ANO4: variants seen among roughly 807,000 people sequenced by gnomAD.
ANO4 encodes the protein anoctamin 4.
A neutral mutation model predicts 141.9 loss-of-function variants in ANO4; 69 were observed. The observed-to-expected ratio is 0.49, with a 90% confidence interval of 0.40 to 0.59. ANO4 has a LOEUF of 0.59. ANO4 is among the 20% of genes least tolerant of loss of function. ANO4 has a pLI of 0.00. For synonymous variants in ANO4, 350 were observed against 394.3 expected (o/e 0.89, Z 1.33); for missense variants, 894 against 1,162.2 (o/e 0.77, Z 3.36).
At chr12:101,006,185 T>C (rs1367119537) in intron 8 of ANO4, among the ~76,000 whole-genome samples, 3 of 152,194 alleles carry the variant, frequency 2.0e-5, no homozygotes, top group Non-Finnish European at 4.4e-5. Context: ...TGCAACATGC[T>C]CCCTCATGTT....
chr12:101,053,663 G>T (rs755537647), intron 14 of ANO4, among the ~76,000 whole-genome samples: 2 of 152,180 alleles, frequency 1.3e-5, no homozygotes, highest in Non-Finnish European at 2.9e-5. Flanking sequence ...CAAGACGGTG[G>T]TCATATTGGA....
intron 1 of ANO4, among the ~76,000 whole-genome samples, chr12:100,818,717 A>G (rs1314547139): frequency 2.0e-5 from 3 of 151,902 alleles, no homozygotes; most frequent in Non-Finnish European, 4.4e-5. Flanking sequence ...TTCCAAATCT[A>G]CAGGCTGGTA....
At position 101,005,062 on chromosome 12, in the gene ANO4, C is replaced by T. The variant is rs75044630; in HGVS notation, c.735-14972C>T. On this transcript the variant is annotated intron_variant, in intron 8 of 27. Coordinates refer to ENST00000392977, the MANE Select transcript of ANO4 (RefSeq NM_001286615.2). The stretch of plus-strand genomic sequence containing the variant: ...GGTCAACATTCAGAACAACTCAGCT[C>T]ATATAAAAATGAGACCCATGACTAA... Among the ~76,000 whole-genome samples the T allele has an allele frequency of 4.2e-3, 642 of 152,194 alleles. 7 individuals are homozygous for T. Among genetic ancestry groups the T allele is most frequent in the African/African-American group, 0.015 (623 of 41,530 alleles).
chr12:101,048,282 T>A (rs2047712284), intron 13 of ANO4, 59 bp from the exon 14 acceptor site: 6 of 1,559,386 alleles, frequency 3.8e-6, no homozygotes, highest in South Asian at 1.1e-5. Flanking sequence ...CTTGAAAAAA[T>A]TTGAATTGGA....
intron 3 of ANO4, among the ~76,000 whole-genome samples, chr12:100,785,946 G>C (rs1044273949): frequency 3.3e-5 from 5 of 152,198 alleles, no homozygotes; most frequent in Non-Finnish European, 5.9e-5. Context: ...AGAATGTTCA[G>C]TGGATGGCCT....
At chr12:100,720,297 G>C (rs1430489100) in intron 1 of ANO4, among the ~76,000 whole-genome samples, 2 of 152,074 alleles carry the variant, frequency 1.3e-5, no homozygotes, top group Non-Finnish European at 2.9e-5. Context: ...CACAGTGATG[G>C]CTGTTTCATA....
chr12:100,955,785 A>G (rs866287421), intron 5 of ANO4, among the ~76,000 whole-genome samples: 2 of 152,188 alleles, frequency 1.3e-5, no homozygotes, highest in African/African-American at 2.4e-5. Context: ...GTGACCTGGG[A>G]CTTAAAGGAT....
chr12:100,871,545 G>C (rs1240078613), intron 1 of ANO4, among the ~76,000 whole-genome samples: 2 of 152,158 alleles, frequency 1.3e-5, no homozygotes, highest in African/African-American at 4.8e-5. Flanking sequence ...TTTTCCTTCT[G>C]TAGACTGAAT....
intron 1 of ANO4, among the ~76,000 whole-genome samples, chr12:100,892,139 C>CT (rs1408206286): frequency 6.6e-6 from 1 of 152,190 alleles, no homozygotes; most frequent in African/African-American, 2.4e-5. Context: ...CACATTTTCT[C>CT]TGTCAATTTT....
chr12:100,765,154 G>A (rs571190201), intron 3 of ANO4, among the ~76,000 whole-genome samples: 8 of 152,176 alleles, frequency 5.3e-5, no homozygotes, highest in Admixed American at 1.3e-4. Flanking sequence ...CTTCTGTTCC[G>A]AGATTCTATT....
chr12:101,046,357 C>G (rs898188314), intron 13 of ANO4, among the ~76,000 whole-genome samples: 1 of 152,124 alleles, frequency 6.6e-6, no homozygotes, highest in Non-Finnish European at 1.5e-5. Flanking sequence ...TGTGGTGTGG[C>G]CTGCTTAGCT....
chr12:101,053,677 A>C (rs762443201), intron 14 of ANO4, among the ~76,000 whole-genome samples: 7 of 152,194 alleles, frequency 4.6e-5, no homozygotes, highest in Non-Finnish European at 7.3e-5. Context: ...TATTGGATTA[A>C]GGGCCCAGCC....
At chr12:100,810,510 T>C (rs1358591384) in intron 1 of ANO4, among the ~76,000 whole-genome samples, 2 of 152,042 alleles carry the variant, frequency 1.3e-5, no homozygotes, top group Non-Finnish European at 2.9e-5. Context: ...TGCTGCTGTG[T>C]GGAGAATAGA....
At chr12:100,950,559 G>A in intron 5 of ANO4, among the ~76,000 whole-genome samples, 1 of 152,150 alleles carries the variant, frequency 6.6e-6, no homozygotes, top group Non-Finnish European at 1.5e-5. Flanking sequence ...TTGTTGATGG[G>A]TGGGGCAATC....
chr12:100,778,402 T>C (rs1353604405), intron 3 of ANO4, among the ~76,000 whole-genome samples: 2 of 152,144 alleles, frequency 1.3e-5, no homozygotes, highest in South Asian at 2.1e-4. Context: ...TAATTAACTA[T>C]ATAAAAACTA....
intron 25 of ANO4, among the ~76,000 whole-genome samples, chr12:101,118,300 T>A (rs756643407): frequency 6.6e-6 from 1 of 152,198 alleles, no homozygotes; most frequent in Non-Finnish European, 1.5e-5. Flanking sequence ...GCTTCCTGGC[T>A]CATAATTCTT....
At chr12:100,826,313 C>A (rs2036337755) in intron 1 of ANO4, among the ~76,000 whole-genome samples, 1 of 151,858 alleles carries the variant, frequency 6.6e-6, no homozygotes, top group Non-Finnish European at 1.5e-5. Flanking sequence ...GGAAAATGGT[C>A]ATTGCTCACA....
intron 1 of ANO4, among the ~76,000 whole-genome samples, chr12:100,721,852 ATTTTTTTT>A (rs377385548): frequency 2.2e-5 from 3 of 133,496 alleles, no homozygotes; most frequent in South Asian, 2.5e-4. Context: ...CTAACTTTTA[ATTTTTTTT>A]TTTTTTTTTT....
At chr12:101,051,972 A>C (rs2047891560) in intron 14 of ANO4, among the ~76,000 whole-genome samples, 1 of 152,202 alleles carries the variant, frequency 6.6e-6, no homozygotes, top group African/African-American at 2.4e-5. Context: ...ATGATCGACA[A>C]GTTACAGCAT....
Sources: gnomAD v4.1 joint callset for allele counts (sites outside exome capture counted in the v4.1 genomes callset) on GRCh38, gnomAD v4.1.1 for gene constraint, MANE v1.5 for transcripts, NCBI Gene and HGNC (gene_info 2026-07-23, HGNC 2026-07-21) for gene names.